The following DCHS1 variants were observed in gnomAD, a reference collection of about 807,000 sequenced individuals.
DCHS1 encodes protocadherin-16.
In DCHS1, 78 loss-of-function variants were observed where a neutral mutation model predicts 213.9. The observed-to-expected ratio is 0.36, with a 90% CI of 0.30 to 0.44. The LOEUF (loss-of-function observed/expected upper bound fraction) is 0.44, where lower values mean the gene tolerates loss of function less well. Ranked by LOEUF, DCHS1 falls within the 20% of genes least tolerant of loss-of-function variation. DCHS1 has a pLI of 1.00. For synonymous variants in DCHS1, 1,828 were observed against 1,873.7 expected, an observed-to-expected ratio of 0.98 and a Z score of 0.63; for missense variants, 3,946 against 4,395.9, an observed-to-expected ratio of 0.90 and a Z score of 2.89.
Position 6,626,182 on chromosome 11 carries a change from C to T in DCHS1, c.6563G>A (p.Gly2188Glu). The T allele has an allele frequency of 6.2e-7, 1 of 1,607,650 alleles. No homozygotes were observed. Among genetic ancestry groups the T allele is most frequent in the South Asian group, 1.1e-5 (1 of 89,996 alleles). ...AFLPESRPLE[G>E]PLLQVEADDL... ...CACACCCCGCACCTGCAGCAGGGGC[C>T]CCTCCAAGGGCCGGGACTCAGGAAG... Residue 2188 changes from glycine (G) to glutamate (E), a missense_variant, in exon 16 of 21, where the codon GGG (glycine) becomes GAG (glutamate). By Grantham distance (98) the Gly-to-Glu change is moderately conservative. Coordinates refer to ENST00000299441, the MANE Select transcript of DCHS1 (RefSeq NM_003737.4). This position sits in a 1 kb window ranked among gnomAD's most constrained non-coding sequence, Gnocchi z 5.2.
In DCHS1 at chr11:6,633,633, G is replaced by A. The variant is rs1855946182; in HGVS notation, c.2234C>T (p.Ala745Val). ...ATTGGCCCGTCTGGCCAAGGGCCAGGCTACTGTCAACAGCCCTGAGAGGAA... is the reference window on the plus strand; with the variant it reads ...ATTGGCCCGTCTGGCCAAGGGCCAGACTACTGTCAACAGCCCTGAGAGGAA... ...LDEQSGLLTV[A>V]WPLARRANSV... Residue 745 changes from alanine (A) to valine (V), a missense_variant, in exon 5 of 21, where the codon GCC becomes GTC. Coordinates refer to ENST00000299441, the MANE Select transcript of DCHS1 (RefSeq NM_003737.4). The A allele has an allele frequency of 6.2e-7, 1 of 1,601,190 alleles. No individual in the cohort carries two copies. Among genetic ancestry groups the A allele is most frequent in the East Asian group, 2.3e-5 (1 of 44,170 alleles).
chr11:6,655,236 C>T (rs947400451), intron 1 of DCHS1, among the ~76,000 whole-genome samples: 11 of 152,054 alleles, frequency 7.2e-5, no homozygotes, highest in Non-Finnish European at 1.2e-4. Context: ...GCCAGAGAGA[C>T]GCCCAGGGAC....
In DCHS1 at chr11:6,640,275, A is replaced by C. The variant is rs1818043729; in HGVS notation, c.1339T>G (p.Ser447Ala). The change falls in exon 2 of 21, where the codon TCA (serine) becomes GCA (alanine). Residue 447 changes from serine (S) to alanine (A), a missense_variant. By Grantham distance (99) the Ser-to-Ala change is moderately conservative. This residue lies in a region of DCHS1 where 3,384 missense variants were observed against 3,780.1 expected (regional missense o/e 0.90). Coordinates refer to ENST00000299441, the MANE Select transcript of DCHS1 (RefSeq NM_003737.4). The surrounding 1 kb of genome is among the most constrained non-coding windows in gnomAD (Gnocchi z 6.5). Reference protein sequence around the residue: ...AYNLRVTATDSGSPPLRAEAA... With the variant: ...AYNLRVTATDAGSPPLRAEAA... ...TCAGCCCGCAGTGGAGGTGAGCCTG[A>C]GTCTGTGGCTGTAACCCTCAAGTTA... The C allele has an allele frequency of 6.2e-7, 1 of 1,609,130 alleles. No homozygotes were observed. Among genetic ancestry groups the C allele is most frequent in the African/African-American group, 1.3e-5 (1 of 74,814 alleles).
At chr11:6,642,385 G>T (rs777167455) in intron 1 of DCHS1, among the ~76,000 whole-genome samples, 5 of 152,212 alleles carry the variant, frequency 3.3e-5, no homozygotes, top group Non-Finnish European at 7.3e-5. Flanking sequence ...GGTAAGAGTT[G>T]TGAAGAAGGC....
intron 2 of DCHS1, among the ~76,000 whole-genome samples, chr11:6,639,028 G>A (rs746489719): frequency 1.3e-5 from 2 of 151,710 alleles, no homozygotes; most frequent in African/African-American, 2.4e-5. Flanking sequence ...GGAGAATGGC[G>A]TGAACCCAGG....
In DCHS1 at chr11:6,639,935, G is replaced by A. The variant is rs143753116; in HGVS notation, c.1679C>T (p.Ser560Phe). The change falls in exon 2 of 21, where the codon TCC (serine) becomes TTC (phenylalanine). Residue 560 changes from serine to phenylalanine, a missense_variant. Physicochemically the swap from Ser to Phe is radical, Grantham distance 155 (BLOSUM62 -2). This residue lies in a region of DCHS1 where 3,384 missense variants were observed against 3,780.1 expected (regional missense o/e 0.90). Transcript: ENST00000299441. The stretch of plus-strand genomic sequence containing the variant: ...CAGGGCCACGCTAACTGTGGCAGAG[G>A]AGGCTAGAGGGGGCAGGCCACCATC... Reference protein sequence around the residue: ...ATDGGLPPLASSATVSVALQD... With the variant: ...ATDGGLPPLAFSATVSVALQD... The A allele has an allele frequency of 1.9e-4, 310 of 1,613,938 alleles. 2 individuals are homozygous for A. The highest frequency in any genetic ancestry group is 3.8e-4 in the Admixed American group (23 of 60,016).
chr11:6,632,822 G>C lies in DCHS1; in HGVS notation c.2690C>G (p.Pro897Arg). 6.2e-7 allele frequency: 1 copy of C among 1,614,014 alleles called. No homozygotes were observed. Among genetic ancestry groups the C allele is most frequent in the Non-Finnish European group, 8.5e-7 (1 of 1,179,882 alleles). The change falls in exon 6 of 21, where the codon CCT becomes CGT. Residue 897 changes from proline (P) to arginine (R), a missense_variant. Pro to Arg is a moderately radical substitution (Grantham distance 103). This residue lies in a region of DCHS1 where 3,384 missense variants were observed against 3,780.1 expected (regional missense o/e 0.90). Transcript: ENST00000299441. The surrounding 1 kb of genome is among the most constrained non-coding windows in gnomAD (Gnocchi z 5.9). ...TGGTGGTAGCAATACCGTGTCTTCA[G>C]GTGCAGGAAAGGCAGGGGAGTTGTC... Reference protein sequence around the residue: ...VNDNSPAFPAPEDTVLLPPNT... With the variant: ...VNDNSPAFPAREDTVLLPPNT...
Position 6,622,222 on chromosome 11 carries a change from C to A in DCHS1, c.9454G>T (p.Ala3152Ser). ...CVAGALTAIV[A>S]GEEELRGSYN... Reference sequence around the variant, plus strand: ...CTGCCACGGAGCTCCTCCTCGCCGGCCACAATGGCTGTCAGCGCACCTGCC... The same window carrying A: ...CTGCCACGGAGCTCCTCCTCGCCGGACACAATGGCTGTCAGCGCACCTGCC... Residue 3152 changes from alanine to serine, a missense_variant, in exon 21 of 21, where the codon GCC becomes TCC. Transcript: ENST00000299441. The surrounding 1 kb of genome is among the most constrained non-coding windows in gnomAD (Gnocchi z 5.4). 4 of 1,601,732 alleles carry A rather than the reference C, an allele frequency of 2.5e-6. No individual in the cohort carries two copies. Among genetic ancestry groups the A allele is most frequent in the East Asian group, 2.2e-5 (1 of 44,478 alleles).
chr11:6,629,743 C>G lies in DCHS1; in HGVS notation c.4964G>C (p.Ser1655Thr), dbSNP rs781399276. The change falls in exon 11 of 21, where the codon AGC becomes ACC. Residue 1655 changes from serine to threonine, a missense_variant. Physicochemically the swap from Ser to Thr is moderately conservative, Grantham distance 58 (BLOSUM62 1). Around this residue, in one of 3 missense-constraint regions of DCHS1, gnomAD observed 3,384 missense variants for 3,780.1 expected, o/e 0.90. Coordinates refer to ENST00000299441, the MANE Select transcript of DCHS1 (RefSeq NM_003737.4). ...AGGGTTGTTCTCACGCAAGAGGACG[C>G]TGTACTCCTGCTGCTGGAAAGTAGG... is the stretch of plus-strand genomic sequence containing the variant. ...EAPTFQQQEYSVLLRENNPPG... is the reference protein window; with the variant it reads ...EAPTFQQQEYTVLLRENNPPG... The G allele has an allele frequency of 6.8e-6, 11 of 1,613,782 alleles. No homozygotes were observed. The highest frequency in any genetic ancestry group is 2.2e-5 in the South Asian group (2 of 91,086).
In DCHS1 at chr11:6,628,083, G is replaced by A. The variant is rs1452526165; in HGVS notation, c.5372-416C>T. ...CAGAAAGTTTAGAGCATGAATCTGT[G>A]TGTCTTCAGAGATTCAGTTTGTTCT... is the stretch of plus-strand genomic sequence containing the variant. On this transcript the variant is annotated intron_variant, in intron 13 of 20. Transcript: ENST00000299441. This position sits in a 1 kb window ranked among gnomAD's most constrained non-coding sequence, Gnocchi z 4.3. Among the ~76,000 whole-genome samples the A allele has an allele frequency of 6.6e-6, 1 of 152,230 alleles. No individual in the cohort carries two copies. The highest frequency in any genetic ancestry group is 1.5e-5 in the Non-Finnish European group (1 of 68,036).
chr11:6,634,151 T>A lies in DCHS1; in HGVS notation c.1953A>T (p.Ser651=). 1.2e-6 allele frequency: 2 copies of A among 1,609,012 alleles called. No individual in the cohort carries two copies. Among genetic ancestry groups the A allele is most frequent in the Non-Finnish European group, 1.7e-6 (2 of 1,176,602 alleles). ...TRTLDRDQGP[S]SFDFTVTAVD... is the part of the protein sequence containing the mutation. The stretch of plus-strand genomic sequence containing the variant: ...CAGCTGTCACTGTGAAGTCAAAGCT[T>A]GAGGGCCCCTGGTCACGGTCCAGGG... Residue 651 remains serine (S), a synonymous_variant, in exon 3 of 21, where the codon TCA becomes TCT. Coordinates refer to ENST00000299441, the MANE Select transcript of DCHS1 (RefSeq NM_003737.4).
chr11:6,632,607 C>G lies in DCHS1; in HGVS notation c.2905G>C (p.Glu969Gln). 6.6e-7 allele frequency: 1 copy of G among 1,526,444 alleles called. No individual in the cohort carries two copies. Among genetic ancestry groups the G allele is most frequent in the Non-Finnish European group, 8.8e-7 (1 of 1,132,160 alleles). The allele number at this position is 1,526,444 out of a possible 1,614,324, so 94.6% of individuals were successfully genotyped here. ...GGTGGGGAGCCCCCATCCCGGGCCT[C>G]CAGCTCCAGCTCATGGGCTGGCCCT... is the stretch of plus-strand genomic sequence containing the variant. ...SGGPAHELEL[E>Q]ARDGGSPPRT... The change falls in exon 6 of 21, where the codon GAG becomes CAG. Residue 969 changes from glutamate to glutamine, a missense_variant. Physicochemically the swap from Glu to Gln is conservative, Grantham distance 29 (BLOSUM62 2). Coordinates refer to ENST00000299441, the MANE Select transcript of DCHS1 (RefSeq NM_003737.4). The surrounding 1 kb of genome is among the most constrained non-coding windows in gnomAD (Gnocchi z 5.9).
rs141839556 is a variant in DCHS1, at chr11:6,621,872, G to C, written c.9804C>G (p.Val3268=). ...LSPLAARSPV[V]SPFGVAQGPS... The stretch of plus-strand genomic sequence containing the variant: ...GACCCTGGGCCACCCCAAATGGTGA[G>C]ACAACGGGTGAGCGAGCAGCCAGAG... Residue 3268 remains valine (V), a synonymous_variant, in exon 21 of 21, where the codon GTC becomes GTG. Coordinates refer to ENST00000299441, the MANE Select transcript of DCHS1 (RefSeq NM_003737.4). The C allele has an allele frequency of 1.2e-6, 2 of 1,612,184 alleles. No individual in the cohort carries two copies. The highest frequency in any genetic ancestry group is 1.3e-5 in the African/African-American group (1 of 75,042).
In DCHS1 at chr11:6,630,021, G is replaced by A. The variant is rs1369837163; in HGVS notation, c.4773C>T (p.His1591=). 1.3e-6 allele frequency: 2 copies of A among 1,560,906 alleles called. No individual in the cohort carries two copies. The highest frequency in any genetic ancestry group is 1.7e-6 in the Non-Finnish European group (2 of 1,149,572). The change falls in exon 10 of 21, where the codon CAC becomes CAT. Residue 1591 remains histidine, a synonymous_variant. Coordinates refer to ENST00000299441, the MANE Select transcript of DCHS1 (RefSeq NM_003737.4). The part of the protein sequence containing the change: ...SYRLASGGDG[H]FRLHSSTGAL... Reference sequence around the variant, plus strand: ...CACCAGTGCTTGAGTGCAGCCGGAAGTGGCCGTCCCCGCCAGATGCCAGCC... The same window carrying A: ...CACCAGTGCTTGAGTGCAGCCGGAAATGGCCGTCCCCGCCAGATGCCAGCC...
chr11:6,622,384 G>A lies in DCHS1; in HGVS notation c.9292C>T (p.Leu3098=). The A allele has an allele frequency of 6.4e-7, 1 of 1,563,060 alleles. No homozygotes were observed. The highest frequency in any genetic ancestry group is 8.7e-7 in the Non-Finnish European group (1 of 1,153,256). Residue 3098 remains leucine, a synonymous_variant, in exon 21 of 21, where the codon CTG becomes TTG. Coordinates refer to ENST00000299441, the MANE Select transcript of DCHS1 (RefSeq NM_003737.4). The surrounding 1 kb of genome is among the most constrained non-coding windows in gnomAD (Gnocchi z 5.4). ...TWYKGRKAGL[L]LPGAGATLYR... The stretch of plus-strand genomic sequence containing the variant: ...AGAGTGGCTCCTGCACCTGGCAGCA[G>A]CAGCCCTGCCTTTCGGCCCTTATAC...
rs984730995 is a variant in DCHS1 at position 6,625,822 on chromosome 11, A to G, written c.6732-95T>C. The stretch of plus-strand genomic sequence containing the variant: ...CTCAGGACAGAGCTTAGGGCTGGGG[A>G]ATTCAGGATGTGGCCAAGGGACCAG... On this transcript the variant is annotated intron_variant, in intron 17 of 20. Coordinates refer to ENST00000299441, the MANE Select transcript of DCHS1 (RefSeq NM_003737.4). The surrounding 1 kb of genome is among the most constrained non-coding windows in gnomAD (Gnocchi z 5.3). 8 of 1,579,846 alleles carry G rather than the reference A, an allele frequency of 5.1e-6. No individual in the cohort carries two copies. In the African/African-American group the frequency reaches 9.4e-5, roughly 19 times the overall value.
intron 1 of DCHS1, among the ~76,000 whole-genome samples, chr11:6,644,088 C>G (rs1262520581): frequency 6.6e-6 from 1 of 152,206 alleles, no homozygotes; most frequent in African/African-American, 2.4e-5. Flanking sequence ...CTGGCTTGGA[C>G]CTTCTGATCC....
At position 6,633,820 on chromosome 11, in the gene DCHS1, G is replaced by A. The variant is rs757878663; in HGVS notation, c.2187C>T (p.Ser729=). 6 of 1,613,706 alleles carry A rather than the reference G, an allele frequency of 3.7e-6. No homozygotes were observed. The African/African-American group carries it at 5.3e-5, about 14-fold the overall frequency. The change falls in exon 4 of 21, where the codon AGC becomes AGT. Residue 729 remains serine (S), a synonymous_variant. Transcript: ENST00000299441. ...RLSYHILAGN[S]PPLFTLDEQS... ...GCTCATCCAAGGTAAAAAGTGGGGG[G>A]CTGTTGCCAGCCAGGATATGGTAGG... is the stretch of plus-strand genomic sequence containing the variant.
intron 1 of DCHS1, among the ~76,000 whole-genome samples, chr11:6,647,324 C>CCGGTG (rs1204144758): frequency 1.3e-5 from 2 of 152,112 alleles, no homozygotes; most frequent in Non-Finnish European, 2.9e-5. Context: ...CACAGCCCCA[C>CCGGTG]CGGTGCGTGC....
Sources: gnomAD v4.1 joint callset for allele counts (sites outside exome capture counted in the v4.1 genomes callset) on GRCh38, gnomAD v4.1.1 for gene constraint, gnomAD v4.1.1 regional missense constraint, Gnocchi (gnomAD v3.1) non-coding constraint, MANE v1.5 for transcripts, NCBI Gene and HGNC (gene_info 2026-07-23, HGNC 2026-07-21) for gene names.